The following ASTN2 variants were observed in gnomAD, a reference collection of about 807,000 sequenced individuals.
ASTN2 encodes the protein astrotactin 2.
In ASTN2, 54 loss-of-function variants were observed where a neutral mutation model predicts 139.8. The observed-to-expected ratio is 0.39, with a 90% CI of 0.31 to 0.48. The LOEUF (loss-of-function observed/expected upper bound fraction) is 0.48. Among genes scored for constraint, ASTN2 ranks in the 20% least tolerant of loss-of-function variants. The pLI, the probability that ASTN2 is intolerant of heterozygous loss-of-function variation, is 0.95. For missense variants in ASTN2, 1,565 were observed against 1,725.1 expected (o/e 0.91, Z 1.64); for synonymous variants, 756 against 719.5 (o/e 1.05, Z -0.81).
intron 19 of ASTN2, among the ~76,000 whole-genome samples, chr9:116,488,598 T>A (rs1849413015): frequency 6.6e-6 from 1 of 152,200 alleles, no homozygotes; most frequent in African/African-American, 2.4e-5. Flanking sequence ...TTATAGTCAT[T>A]AAAAATAATC....
At chr9:116,912,783 G>A (rs1229423535) in intron 10 of ASTN2, among the ~76,000 whole-genome samples, 2 of 152,162 alleles carry the variant, frequency 1.3e-5, no homozygotes, top group East Asian at 1.9e-4. Flanking sequence ...GGCTCGTGAG[G>A]TGGGTTCACT....
At chr9:116,496,570 C>T (rs964839483) in intron 19 of ASTN2, among the ~76,000 whole-genome samples, 2 of 152,176 alleles carry the variant, frequency 1.3e-5, no homozygotes, top group Non-Finnish European at 2.9e-5. Flanking sequence ...CAAGATACCC[C>T]CCAGAACTGT....
In ASTN2 at chr9:117,044,443, C is replaced by T. The variant is rs1235771941; in HGVS notation, c.1277-4478G>A. Among the ~76,000 whole-genome samples, 3 of 152,116 alleles carry T rather than the reference C, an allele frequency of 2.0e-5. No homozygotes were observed. The East Asian group carries it at 5.8e-4, about 29-fold the overall frequency. On this transcript the variant is annotated intron_variant, in intron 5 of 22. Coordinates refer to ENST00000313400, the MANE Select transcript of ASTN2 (RefSeq NM_001365068.1). The stretch of plus-strand genomic sequence containing the variant: ...AGCAGCAGAGGGGTGTGGGGAGTTG[C>T]CATGGCAACCGGACCTGGCAGAAAC...
At position 116,699,667 on chromosome 9, in the gene ASTN2, T is replaced by G; in HGVS notation, c.2806+26104A>C. ...GACTGTTGGGATCATTGCATCAAGA[T>G]CTACAGCTACCATCTGAGAAGATAT... is the stretch of plus-strand genomic sequence containing the variant. On this transcript the variant is annotated intron_variant, in intron 16 of 22. Transcript: ENST00000313400. This position sits in a 1 kb window ranked among gnomAD's most constrained non-coding sequence, Gnocchi z 4.2. 1.2e-6 allele frequency: 2 copies of G among 1,614,194 alleles called. No individual in the cohort carries two copies. Among genetic ancestry groups the G allele is most frequent in the Non-Finnish European group, 1.7e-6 (2 of 1,180,032 alleles).
intron 5 of ASTN2, among the ~76,000 whole-genome samples, chr9:117,060,442 G>GAGAGAAAGAA (rs1554774103): frequency 1.9e-5 from 1 of 54,018 alleles, no homozygotes; most frequent in Admixed American, 2.5e-4. Flanking sequence ...AAGAGAGAGA[G>GAGAGAAAGAA]AGAAAGAAAG....
In ASTN2 at chr9:116,439,312, T is replaced by C. The variant is rs1001122240; in HGVS notation, c.3782+1297A>G. 9.2e-4 allele frequency among the ~76,000 whole-genome samples: 125 copies of C among 135,170 alleles called. 7 individuals are homozygous for C. The highest frequency in any genetic ancestry group is 3.6e-3 in the African/African-American group (120 of 33,622). 88.7% of individuals were successfully genotyped at this position (135,170 alleles called of 152,430 possible). A position where few individuals can be genotyped will look rare whatever the true frequency, so the allele number is the denominator to read the frequency against. On this transcript the variant is annotated intron_variant, in intron 22 of 22. Transcript: ENST00000313400. ...GCCTCCCGGGTTCACGCCATTCTCC[T>C]GCCTCAGCCTCCCGAGTAGCTGGGA...
At chr9:117,352,375 T>G (rs1829417048) in intron 1 of ASTN2, among the ~76,000 whole-genome samples, 1 of 152,178 alleles carries the variant, frequency 6.6e-6, no homozygotes, top group African/African-American at 2.4e-5. Context: ...TTGAGAGATA[T>G]TATCTCCACC....
At chr9:117,378,738 G>A (rs1376939665) in intron 1 of ASTN2, among the ~76,000 whole-genome samples, 1 of 152,100 alleles carries the variant, frequency 6.6e-6, no homozygotes, top group Non-Finnish European at 1.5e-5. Flanking sequence ...ATACCTTTGG[G>A]TCCTTCCTAC....
At chr9:116,462,824 G>GTGTGTGTGTGTGTGTT (rs1414370596) in intron 20 of ASTN2, among the ~76,000 whole-genome samples, 1 of 125,488 alleles carries the variant, frequency 8.0e-6, no homozygotes, top group East Asian at 2.1e-4. Flanking sequence ...GTGTGTGTGT[G>GTGTGTGTGTGTGTGTT]TGTGTGTCTG....
chr9:116,940,750 C>T (rs1457800434), intron 10 of ASTN2, among the ~76,000 whole-genome samples: 1 of 151,684 alleles, frequency 6.6e-6, no homozygotes, highest in Admixed American at 6.6e-5. Context: ...TATAAAGTCC[C>T]CAGTAGTATC....
intron 11 of ASTN2, among the ~76,000 whole-genome samples, chr9:116,822,550 C>T (rs944704966): frequency 1.5e-4 from 23 of 152,088 alleles, no homozygotes; most frequent in African/African-American, 4.8e-4. Context: ...TGCAGACTCG[C>T]GGAGCATGTT....
chr9:116,831,461 C>T (rs917985744), intron 11 of ASTN2, among the ~76,000 whole-genome samples: 1 of 152,158 alleles, frequency 6.6e-6, no homozygotes, highest in African/African-American at 2.4e-5. Flanking sequence ...CAAACACCTA[C>T]CTACTCAGTG....
At chr9:116,902,957 T>G (rs1834059431) in intron 10 of ASTN2, among the ~76,000 whole-genome samples, 1 of 152,200 alleles carries the variant, frequency 6.6e-6, no homozygotes. Context: ...CCATTACCAC[T>G]TTGACCACAT....
intron 10 of ASTN2, among the ~76,000 whole-genome samples, chr9:116,955,774 T>C (rs1258273998): frequency 1.3e-5 from 2 of 152,204 alleles, no homozygotes; most frequent in Non-Finnish European, 2.9e-5. Context: ...AAAAACCTCA[T>C]TGGGTTGTTG....
intron 19 of ASTN2, among the ~76,000 whole-genome samples, chr9:116,561,634 A>G (rs1295325632): frequency 6.6e-6 from 1 of 152,216 alleles, no homozygotes; most frequent in Non-Finnish European, 1.5e-5. Context: ...TCTCCTTGTC[A>G]AAATCTAAAG....
intron 4 of ASTN2, among the ~76,000 whole-genome samples, chr9:117,118,376 A>T (rs1222122226): frequency 1.3e-5 from 2 of 151,950 alleles, no homozygotes; most frequent in East Asian, 3.9e-4. Flanking sequence ...CCTCTCCTAG[A>T]GGACAGCCAA....
At chr9:117,006,696 G>A (rs1302001103) in intron 7 of ASTN2, among the ~76,000 whole-genome samples, 1 of 152,102 alleles carries the variant, frequency 6.6e-6, no homozygotes, top group Non-Finnish European at 1.5e-5. Context: ...AGTAGAATCT[G>A]AAGTCCATAT....
chr9:116,445,677 T>C (rs1847966315), intron 20 of ASTN2, among the ~76,000 whole-genome samples: 1 of 152,288 alleles, frequency 6.6e-6, no homozygotes, highest in Middle Eastern at 3.4e-3. Context: ...GGCTGAATAT[T>C]CTTTGGGAAG....
chr9:116,496,985 T>C (rs557153218), intron 19 of ASTN2, among the ~76,000 whole-genome samples: 2 of 152,320 alleles, frequency 1.3e-5, no homozygotes, highest in Non-Finnish European at 1.5e-5. Flanking sequence ...TGAGACTTGG[T>C]TGGGGACACA....
Sources: gnomAD v4.1 joint callset for allele counts (sites outside exome capture counted in the v4.1 genomes callset) on GRCh38, gnomAD v4.1.1 for gene constraint, Gnocchi (gnomAD v3.1) non-coding constraint, MANE v1.5 for transcripts, NCBI Gene and HGNC (gene_info 2026-07-23, HGNC 2026-07-21) for gene names.